OR4M1: variants seen among roughly 807,000 people sequenced by gnomAD.
The protein encoded by OR4M1 is olfactory receptor 4M1.
OR4M1 carries 7 observed loss-of-function variants against 9.8 expected under a neutral mutation model. The ratio of observed to expected loss-of-function variants is 0.71; its 90% CI spans 0.41 to 1.34. The LOEUF (loss-of-function observed/expected upper bound fraction) is 1.34, where lower values mean the gene tolerates loss of function less well. OR4M1 is among the 40% of genes most tolerant of loss of function. OR4M1 has a pLI of 0.01. For missense variants in OR4M1, 331 were observed against 380.4 expected (o/e 0.87, Z 1.08); for synonymous variants, 121 against 139.8 (o/e 0.87, Z 0.95).
At chr14:19,777,049 TTG>T (rs1878337164) in intron 1 of OR4M1, among the ~76,000 whole-genome samples, 5 of 115,758 alleles carry the variant, frequency 4.3e-5, no homozygotes, top group African/African-American at 1.0e-4. Flanking sequence ...TATATATATA[TTG>T]TTTGTTTGTT....
In OR4M1 at chr14:19,781,389, T is replaced by C; in HGVS notation, c.*125T>C. 1 of 948,034 alleles carries C rather than the reference T, an allele frequency of 1.1e-6. No individual in the cohort carries two copies. Among genetic ancestry groups the C allele is most frequent in the South Asian group, 2.0e-5 (1 of 50,924 alleles). The allele number at this position is 948,034 out of a possible 1,614,324, so 58.7% of individuals were successfully genotyped here. A position where few individuals can be genotyped will look rare whatever the true frequency, so the allele number is the denominator to read the frequency against. The stretch of plus-strand genomic sequence containing the variant: ...TGTTCTTAAAATTTTACTATAATTT[T>C]TCTCTATTAATTCCTCTTTATATTG... On this transcript the variant is annotated 3_prime_UTR_variant, in exon 2 of 2. Coordinates refer to ENST00000641200, the MANE Select transcript of OR4M1 (RefSeq NM_001005500.2).
At chr14:19,779,798 C>A (rs1192133740) in intron 1 of OR4M1, among the ~76,000 whole-genome samples, 1 of 152,340 alleles carries the variant, frequency 6.6e-6, no homozygotes, top group East Asian at 1.9e-4. Flanking sequence ...ACTTATGAAG[C>A]CTTGGGATCT....
intron 1 of OR4M1, among the ~76,000 whole-genome samples, chr14:19,774,338 T>A (rs1224504713): frequency 6.6e-6 from 1 of 152,236 alleles, no homozygotes; most frequent in African/African-American, 2.4e-5. Context: ...AGTCTATTGA[T>A]TTATTTATTC....
chr14:19,776,285 G>A (rs1594375931), intron 1 of OR4M1, among the ~76,000 whole-genome samples: 1 of 152,306 alleles, frequency 6.6e-6, no homozygotes, highest in East Asian at 1.9e-4. Context: ...CCCTCCTTTT[G>A]CTATGAAGAA....
chr14:19,780,488 A>C lies in OR4M1; in HGVS notation c.166A>C (p.Thr56Pro). The change falls in exon 2 of 2, where the codon ACT becomes CCT. Residue 56 changes from threonine (T) to proline (P), a missense_variant. Coordinates refer to ENST00000641200, the MANE Select transcript of OR4M1 (RefSeq NM_001005500.2). ...CACCATCAGGCTAGACCCTCATCTG[A>C]CTTCTCCTATGTATTTCCTGTTGGC... Reference protein sequence around the residue: ...ICTIRLDPHLTSPMYFLLANL... With the variant: ...ICTIRLDPHLPSPMYFLLANL... 1 of 1,614,150 alleles carries C rather than the reference A, an allele frequency of 6.2e-7. No individual in the cohort carries two copies. Among genetic ancestry groups the C allele is most frequent in the Non-Finnish European group, 8.5e-7 (1 of 1,180,004 alleles).
chr14:19,778,101 G>T (rs1350591339), intron 1 of OR4M1, among the ~76,000 whole-genome samples: 1 of 152,160 alleles, frequency 6.6e-6, no homozygotes, highest in African/African-American at 2.4e-5. Context: ...GATTGATTTT[G>T]GTTCTTAATG....
chr14:19,782,329 C>A lies in OR4M1; in HGVS notation c.*1065C>A, dbSNP rs1189845507. 4 of 152,150 alleles carry A rather than the reference C, an allele frequency of 2.6e-5. No homozygotes were observed. Among genetic ancestry groups the A allele is most frequent in the Admixed American group, 1.3e-4 (2 of 15,270 alleles). The allele number at this position is 152,150 out of a possible 1,614,324, so 9.4% of individuals were successfully genotyped here. On this transcript the variant is annotated 3_prime_UTR_variant, in exon 2 of 2. Transcript: ENST00000641200. ...TCTGAATGTAAGAGGTAGATTAGAACATTTGATTTTATAGGTTATGTTTTT... is the reference window on the plus strand; with the variant it reads ...TCTGAATGTAAGAGGTAGATTAGAAAATTTGATTTTATAGGTTATGTTTTT...
intron 1 of OR4M1, among the ~76,000 whole-genome samples, chr14:19,775,301 A>C (rs143184721): frequency 9.1e-3 from 1,377 of 151,942 alleles, no homozygotes; most frequent in African/African-American, 0.03. Flanking sequence ...TATTGAGCAT[A>C]TGTATTTGGC....
At position 19,781,277 on chromosome 14, in the gene OR4M1, A is replaced by C; in HGVS notation, c.*13A>C. The C allele has an allele frequency of 6.3e-7, 1 of 1,580,444 alleles. No homozygotes were observed. The highest frequency in any genetic ancestry group is 8.6e-7 in the Non-Finnish European group (1 of 1,157,668). On this transcript the variant is annotated 3_prime_UTR_variant, in exon 2 of 2. Coordinates refer to ENST00000641200, the MANE Select transcript of OR4M1 (RefSeq NM_001005500.2). ...TGAAGAGAAGTGAAAGATAAATTATACATTTTATAGTCCTCCTGAGGATCA... is the reference window on the plus strand; with the variant it reads ...TGAAGAGAAGTGAAAGATAAATTATCCATTTTATAGTCCTCCTGAGGATCA...
In OR4M1 at chr14:19,782,185, G is replaced by A. The variant is rs1482573458; in HGVS notation, c.*921G>A. The A allele has an allele frequency of 6.6e-5, 10 of 152,344 alleles. No individual in the cohort carries two copies. The highest frequency in any genetic ancestry group is 2.1e-4 in the South Asian group (1 of 4,834). 9.4% of individuals were successfully genotyped at this position (152,344 alleles called of 1,614,324 possible). On this transcript the variant is annotated 3_prime_UTR_variant, in exon 2 of 2. Coordinates refer to ENST00000641200, the MANE Select transcript of OR4M1 (RefSeq NM_001005500.2). ...TTGGTTAGGTGCTGTTTTTGTTAGC[G>A]CTTAATTCAGAGTTATTTCCCATTG... is the stretch of plus-strand genomic sequence containing the variant.
rs1289546073 is a variant in OR4M1, at chr14:19,783,006, G to T, written c.*1742G>T. 3 of 152,220 alleles carry T rather than the reference G, an allele frequency of 2.0e-5. No individual in the cohort carries two copies. The highest frequency in any genetic ancestry group is 6.5e-5 in the Admixed American group (1 of 15,274). The allele number at this position is 152,220 out of a possible 1,614,324, so 9.4% of individuals were successfully genotyped here. ...CTAGGGCTGATGTTCTTTGGAAAGG[G>T]ACCACTGATTTGATATGCTCTTCAA... On this transcript the variant is annotated 3_prime_UTR_variant, in exon 2 of 2. Transcript: ENST00000641200.
chr14:19,778,596 G>A (rs1316965234), intron 1 of OR4M1, among the ~76,000 whole-genome samples: 1 of 152,212 alleles, frequency 6.6e-6, no homozygotes, highest in Non-Finnish European at 1.5e-5. Context: ...AAATTTATTT[G>A]ATTGTTGGAA....
At chr14:19,777,956 C>T (rs1448008312) in intron 1 of OR4M1, among the ~76,000 whole-genome samples, 2 of 152,010 alleles carry the variant, frequency 1.3e-5, no homozygotes, top group Admixed American at 6.6e-5. Context: ...GATTGGCTGC[C>T]TGACTATTGG....
chr14:19,775,417 G>C (rs570413689), intron 1 of OR4M1, among the ~76,000 whole-genome samples: 1 of 151,942 alleles, frequency 6.6e-6, no homozygotes, highest in Non-Finnish European at 1.5e-5. Flanking sequence ...CACCCTGCAG[G>C]CTGCAACTCT....
At chr14:19,780,253 A>T in intron 1 of OR4M1, 41 bp from the exon 2 acceptor site, 2 of 1,451,436 alleles carry the variant, frequency 1.4e-6, no homozygotes, top group Non-Finnish European at 9.3e-7. Context: ...ACTCTAGATA[A>T]ATGCTATGTG....
At chr14:19,778,424 G>T (rs559064576) in intron 1 of OR4M1, among the ~76,000 whole-genome samples, 1 of 152,126 alleles carries the variant, frequency 6.6e-6, no homozygotes, top group Non-Finnish European at 1.5e-5. Context: ...ATCTTGTAAT[G>T]GTATTTACCG....
In OR4M1 at chr14:19,780,810, T is replaced by C. The variant is rs202200852; in HGVS notation, c.488T>C (p.Ile163Thr). ...CATTCTATAATACAGGTGGCTCTCA[T>C]TGTTCGACTTCCTTTCTGTGGGCCC... is the stretch of plus-strand genomic sequence containing the variant. ...FIHSIIQVAL[I>T]VRLPFCGPNE... The change falls in exon 2 of 2, where the codon ATT becomes ACT. Residue 163 changes from isoleucine (I) to threonine (T), a missense_variant. By Grantham distance (89) the Ile-to-Thr change is moderately conservative (BLOSUM62 -1). Coordinates refer to ENST00000641200, the MANE Select transcript of OR4M1 (RefSeq NM_001005500.2). 50 of 1,614,200 alleles carry C rather than the reference T, an allele frequency of 3.1e-5. No individual in the cohort carries two copies. The highest frequency in any genetic ancestry group is 3.2e-5 in the Non-Finnish European group (38 of 1,180,008).
At chr14:19,777,874 T>C (rs1157841291) in intron 1 of OR4M1, among the ~76,000 whole-genome samples, 1 of 133,306 alleles carries the variant, frequency 7.5e-6, no homozygotes, top group African/African-American at 3.0e-5. Flanking sequence ...TGACATGGTG[T>C]AGTGGTATGT....
chr14:19,779,617 T>C (rs1329120474), intron 1 of OR4M1, among the ~76,000 whole-genome samples: 1 of 152,232 alleles, frequency 6.6e-6, no homozygotes, highest in African/African-American at 2.4e-5. Flanking sequence ...CCTGCAATGG[T>C]GAGCAAATTT....
Sources: allele counts gnomAD v4.1 joint callset (sites outside exome capture counted in the v4.1 genomes callset), GRCh38; gene constraint gnomAD v4.1.1; transcripts MANE v1.5; gene names NCBI Gene and HGNC (gene_info 2026-07-23, HGNC 2026-07-21).